Variants in NRXN3 observed in about 807,000 individuals in gnomAD.
NRXN3 encodes neurexin 3, also known as neurexin III.
NRXN3 carries 32 observed loss-of-function variants against 137.6 expected under a neutral mutation model. The ratio of observed to expected loss-of-function variants is 0.23; its 90% CI spans 0.18 to 0.31. The LOEUF is 0.31. Among genes scored for constraint, NRXN3 ranks in the 10% least tolerant of loss-of-function variants. The pLI is 1.00. For missense variants in NRXN3, 1,574 were observed against 2,062.5 expected (o/e 0.76, Z 4.59); for synonymous variants, 798 against 784.5 (o/e 1.02, Z -0.29).
chr14:79,520,466 C>G (rs1184415741), intron 16 of NRXN3, among the ~76,000 whole-genome samples: 1 of 152,088 alleles, frequency 6.6e-6, no homozygotes, highest in African/African-American at 2.4e-5. Context: ...CTCTGACAGT[C>G]CCCAGTGTAT....
At chr14:79,337,544 A>G (rs917959272) in intron 15 of NRXN3, among the ~76,000 whole-genome samples, 2 of 152,196 alleles carry the variant, frequency 1.3e-5, no homozygotes, top group Non-Finnish European at 1.5e-5. Context: ...TGGTAAAGAG[A>G]AAAGAATAAG....
chr14:78,471,291 A>AAC lies in NRXN3; in HGVS notation c.757+173472_757+173473dup, dbSNP rs553942003. Among the ~76,000 whole-genome samples the AAC allele has an allele frequency of 3.1e-3, 305 of 96,846 alleles. 8 individuals are homozygous for AAC. The East Asian group carries it at 0.065, about 21-fold the overall frequency. 63.5% of individuals were successfully genotyped at this position (96,846 alleles called of 152,430 possible). Reference sequence around the variant, plus strand: ...TCCCTTTCTTCTCTTCAACACACTCAACACACACACACACACACACACACA... The same window carrying AAC: ...TCCCTTTCTTCTCTTCAACACACTCAACACACACACACACACACACACACACA... On this transcript the variant is annotated intron_variant, in intron 4 of 20. Transcript: ENST00000335750.
At chr14:78,529,375 G>A (rs2096428130) in intron 4 of NRXN3, among the ~76,000 whole-genome samples, 1 of 152,140 alleles carries the variant, frequency 6.6e-6, no homozygotes, top group African/African-American at 2.4e-5. Flanking sequence ...GTAAATGGTG[G>A]CAACTGTGAC....
At chr14:79,179,905 A>G (rs202014380) in intron 15 of NRXN3, among the ~76,000 whole-genome samples, 1 of 152,178 alleles carries the variant, frequency 6.6e-6, no homozygotes, top group African/African-American at 2.4e-5. Flanking sequence ...CCCAGCCACA[A>G]CTGCCACTGC....
intron 4 of NRXN3, among the ~76,000 whole-genome samples, chr14:78,422,911 A>T (rs1245520446): frequency 6.6e-6 from 1 of 152,224 alleles, no homozygotes; most frequent in Non-Finnish European, 1.5e-5. Flanking sequence ...AGAGACGTGG[A>T]TAGGAAAATT....
At chr14:78,454,825 G>A (rs2094645691) in intron 4 of NRXN3, among the ~76,000 whole-genome samples, 2 of 152,184 alleles carry the variant, frequency 1.3e-5, no homozygotes, top group African/African-American at 4.8e-5. Context: ...GGAGCTGGCT[G>A]TAACTTGGCA....
intron 1 of NRXN3, among the ~76,000 whole-genome samples, chr14:78,230,226 T>C (rs2065204067): frequency 6.6e-6 from 1 of 151,968 alleles, no homozygotes. Context: ...GGTTTCACCA[T>C]GTTGTCCAGG....
In NRXN3 at chr14:79,714,597, C is replaced by T. The variant is rs563894586; in HGVS notation, c.4014+16660C>T. 4.6e-5 allele frequency among the ~76,000 whole-genome samples: 7 copies of T among 152,156 alleles called. No individual in the cohort carries two copies. The South Asian group carries it at 1.5e-3, about 32-fold the overall frequency. The stretch of plus-strand genomic sequence containing the variant: ...AGGAGATTTGAGGTAACTGTCTAGA[C>T]TACCTATTTTTATGTTGCATTCAGC... On this transcript the variant is annotated intron_variant, in intron 19 of 20. Coordinates refer to ENST00000335750, the MANE Select transcript of NRXN3 (RefSeq NM_001330195.2).
chr14:79,858,108 C>A (rs1477160644), intron 20 of NRXN3, among the ~76,000 whole-genome samples: 1 of 151,700 alleles, frequency 6.6e-6, no homozygotes, highest in East Asian at 1.9e-4. Flanking sequence ...AGCTTCAGAA[C>A]CCTCTTACTG....
chr14:78,451,982 C>T (rs2094563076), intron 4 of NRXN3, among the ~76,000 whole-genome samples: 1 of 152,218 alleles, frequency 6.6e-6, no homozygotes, highest in Admixed American at 6.5e-5. Flanking sequence ...ACTACATCCT[C>T]AGGAGAAGAC....
intron 19 of NRXN3, among the ~76,000 whole-genome samples, chr14:79,759,740 G>A (rs182037503): frequency 1.6e-4 from 25 of 151,590 alleles, no homozygotes; most frequent in African/African-American, 5.6e-4. Flanking sequence ...GAATAATATG[G>A]ATTATTCTCA....
chr14:78,431,040 A>G (rs192556045), intron 4 of NRXN3, among the ~76,000 whole-genome samples: 162 of 152,228 alleles, frequency 1.1e-3, no homozygotes, highest in South Asian at 3.1e-3. Context: ...TTTTAAGACA[A>G]TTTATACTGA....
At chr14:79,059,478 C>T (rs180920858) in intron 15 of NRXN3, among the ~76,000 whole-genome samples, 239 of 152,028 alleles carry the variant, frequency 1.6e-3, no homozygotes, top group African/African-American at 5.4e-3. Flanking sequence ...AGGATGGTCT[C>T]GATCTCCTGA....
intron 4 of NRXN3, among the ~76,000 whole-genome samples, chr14:78,366,018 A>G (rs1597825491): frequency 6.6e-6 from 1 of 152,162 alleles, no homozygotes; most frequent in African/African-American, 2.4e-5. Flanking sequence ...TTTGATAGTC[A>G]CCTAATTGCT....
chr14:79,740,715 TATATATATATATA>T (rs2098959191), intron 19 of NRXN3, among the ~76,000 whole-genome samples: 1 of 7,540 alleles, frequency 1.3e-4, no homozygotes, highest in Non-Finnish European at 2.6e-4. Flanking sequence ...TAGTTTTTTA[TATATATATATATA>T]TATATATATA....
intron 15 of NRXN3, among the ~76,000 whole-genome samples, chr14:79,431,432 T>TC (rs1264254857): frequency 6.6e-6 from 1 of 152,132 alleles, no homozygotes; most frequent in Admixed American, 6.5e-5. Context: ...CAAAATGAAG[T>TC]CTTTTAAGAG....
intron 16 of NRXN3, among the ~76,000 whole-genome samples, chr14:79,483,729 G>A (rs2096629104): frequency 6.6e-6 from 1 of 152,098 alleles, no homozygotes; most frequent in East Asian, 1.9e-4. Flanking sequence ...AGATCACAGG[G>A]TCCACACAGA....
intron 4 of NRXN3, among the ~76,000 whole-genome samples, chr14:78,401,064 G>A (rs2092000913): frequency 6.6e-6 from 1 of 152,138 alleles, no homozygotes; most frequent in African/African-American, 2.4e-5. Context: ...CTCTGGAGGT[G>A]ACAAATGCTC....
At chr14:79,595,301 G>A (rs953234475) in intron 16 of NRXN3, among the ~76,000 whole-genome samples, 3 of 152,056 alleles carry the variant, frequency 2.0e-5, no homozygotes, top group Non-Finnish European at 4.4e-5. Flanking sequence ...AAAGATTTAT[G>A]GTAAATGTCT....
Sources: gnomAD v4.1 joint callset for allele counts (sites outside exome capture counted in the v4.1 genomes callset) on GRCh38, gnomAD v4.1.1 for gene constraint, MANE v1.5 for transcripts, NCBI Gene and HGNC (gene_info 2026-07-23, HGNC 2026-07-21) for gene names.